The following CARS1 variants were observed in gnomAD, a reference collection of about 807,000 sequenced individuals.
CARS1 encodes cysteinyl-tRNA synthetase 1.
In CARS1, 48 loss-of-function variants were observed where a neutral mutation model predicts 106.2. The ratio of observed to expected loss-of-function variants is 0.45; its 90% CI spans 0.36 to 0.57. CARS1 has a LOEUF of 0.57. CARS1 is among the 20% of genes least tolerant of loss of function. CARS1 has a pLI of 0.00. For synonymous variants in CARS1, 409 were observed against 403.4 expected (o/e 1.01, Z -0.17); for missense variants, 968 against 1,057.2 (o/e 0.92, Z 1.17).
In CARS1 at chr11:3,046,460, C is replaced by T. The variant is rs1026574636; in HGVS notation, c.274+1293G>A. ...ACCGCGCTGGAGGCTCAGGCAGGAA[C>T]GGCTACATGGGGAAGGACGTGACCT... On this transcript the variant is annotated intron_variant, in intron 2 of 22. Transcript: ENST00000380525. This position sits in a 1 kb window ranked among gnomAD's most constrained non-coding sequence, Gnocchi z 5.8. Among the ~76,000 whole-genome samples, 6 of 152,150 alleles carry T rather than the reference C, an allele frequency of 3.9e-5. No homozygotes were observed. The highest frequency in any genetic ancestry group is 8.8e-5 in the Non-Finnish European group (6 of 68,022).
chr11:3,014,875 T>C (rs1341237403), intron 17 of CARS1, among the ~76,000 whole-genome samples: 2 of 152,244 alleles, frequency 1.3e-5, no homozygotes, highest in Admixed American at 6.5e-5. Context: ...TTCACACCAC[T>C]TGTCATTAGG....
intron 7 of CARS1, among the ~76,000 whole-genome samples, chr11:3,036,562 T>C (rs552240582): frequency 1.0e-3 from 152 of 152,314 alleles, no homozygotes; most frequent in African/African-American, 3.6e-3. Flanking sequence ...CAGAACCCCA[T>C]GCACTATGGG....
chr11:3,016,862 C>G (rs993278209), intron 16 of CARS1, among the ~76,000 whole-genome samples: 1 of 152,198 alleles, frequency 6.6e-6, no homozygotes. Context: ...GATACACTCA[C>G]CTGGCCTCCC....
rs1199966382 is a variant in CARS1, at chr11:3,050,552, T to G, written c.26-2551A>C. Among the ~76,000 whole-genome samples the G allele has an allele frequency of 1.3e-5, 2 of 152,106 alleles. No homozygotes were observed. The highest frequency in any genetic ancestry group is 2.9e-5 in the Non-Finnish European group (2 of 68,024). ...ACCTGTAGCCAGCATGGCTCTCCCC[T>G]CACAGCCACAGGCCTCCAGCGGCCC... On this transcript the variant is annotated intron_variant, in intron 1 of 22. Coordinates refer to ENST00000380525, the MANE Select transcript of CARS1 (RefSeq NM_001014437.3). This position sits in a 1 kb window ranked among gnomAD's most constrained non-coding sequence, Gnocchi z 6.3.
rs1279912295 is a variant in CARS1 at position 3,003,469 on chromosome 11, A to C, written c.2218-869T>G. 6.6e-6 allele frequency among the ~76,000 whole-genome samples: 1 copy of C among 152,210 alleles called. No homozygotes were observed. Among genetic ancestry groups the C allele is most frequent in the East Asian group, 1.9e-4 (1 of 5,200 alleles). ...GGCCCAGTGGAGCTATCAGGTAGGC[A>C]GCTGGGCAAACTGTTTTTGGGCCAC... On this transcript the variant is annotated intron_variant, in intron 20 of 22. Transcript: ENST00000380525. The surrounding 1 kb of genome is among the most constrained non-coding windows in gnomAD (Gnocchi z 4.8).
chr11:3,014,798 G>A (rs1209014554), intron 17 of CARS1, among the ~76,000 whole-genome samples: 3 of 152,168 alleles, frequency 2.0e-5, no homozygotes, highest in African/African-American at 4.8e-5. Context: ...CTTACAACAC[G>A]GACTGTTTTC....
intron 18 of CARS1, 94 bp downstream of exon 18, chr11:3,012,101 G>C: frequency 8.7e-7 from 1 of 1,151,560 alleles, no homozygotes; most frequent in Admixed American, 1.7e-5. Context: ...GGATGATCCG[G>C]CCTGAACGCC....
chr11:3,016,307 G>A (rs987026204), intron 16 of CARS1, among the ~76,000 whole-genome samples: 9 of 150,366 alleles, frequency 6.0e-5, no homozygotes, highest in South Asian at 2.1e-4. Context: ...TGCAAGCTCT[G>A]CCTCCTGGGT....
At chr11:3,055,381 T>C (rs367641345) in intron 1 of CARS1, among the ~76,000 whole-genome samples, 1 of 152,222 alleles carries the variant, frequency 6.6e-6, no homozygotes, top group Non-Finnish European at 1.5e-5. Context: ...GACCTCGTGA[T>C]CTGCCTGCCT....
intron 18 of CARS1, 49 bp from the exon 19 acceptor site, chr11:3,007,008 C>A: frequency 6.8e-7 from 1 of 1,471,934 alleles, no homozygotes; most frequent in Non-Finnish European, 9.5e-7. Flanking sequence ...AGCCAGGGCC[C>A]ACACAACCAG....
In CARS1 at chr11:3,046,745, G is replaced by T. The variant is rs973910713; in HGVS notation, c.274+1008C>A. On this transcript the variant is annotated intron_variant, in intron 2 of 22. Coordinates refer to ENST00000380525, the MANE Select transcript of CARS1 (RefSeq NM_001014437.3). The surrounding 1 kb of genome is among the most constrained non-coding windows in gnomAD (Gnocchi z 5.8). ...AGCACTAAACCTGCCCCCACATGAA[G>T]GTGGAGGAGTGCCCACAGCCACAGG... 2.0e-5 allele frequency among the ~76,000 whole-genome samples: 3 copies of T among 152,128 alleles called. No homozygotes were observed. The highest frequency in any genetic ancestry group is 4.4e-5 in the Non-Finnish European group (3 of 68,028).
In CARS1 at chr11:3,039,061, CG is replaced by C. The variant is rs1343182430; in HGVS notation, c.651+132del. On this transcript the variant is annotated intron_variant, in intron 6 of 22. Transcript: ENST00000380525. This position sits in a 1 kb window ranked among gnomAD's most constrained non-coding sequence, Gnocchi z 5.6. ...CCTATGGAGACTTCAGCGCCCCTGACGGAACTGGCTTGAGTAACATACACTT... is the reference window on the plus strand; with the variant it reads ...CCTATGGAGACTTCAGCGCCCCTGACGAACTGGCTTGAGTAACATACACTT... The C allele has an allele frequency of 3.8e-5, 23 of 602,046 alleles. No homozygotes were observed. In the East Asian group the frequency reaches 6.1e-4, roughly 16 times the overall value. 37.3% of individuals were successfully genotyped at this position (602,046 alleles called of 1,614,324 possible).
Position 3,002,069 on chromosome 11 carries a change from C to T in CARS1, c.2278-16G>A, listed in dbSNP as rs72850071. ...GCTTTGCTGCCTAGAACACGCAACA[C>T]GGCACAGTCACTGCCCCCGAGCAGC... On this transcript the variant is annotated splice_polypyrimidine_tract_variant and intron_variant, in intron 21 of 22. Coordinates refer to ENST00000380525, the MANE Select transcript of CARS1 (RefSeq NM_001014437.3). 7.3e-4 allele frequency: 1,151 copies of T among 1,583,286 alleles called. 16 individuals carry two copies. In the Admixed American group the frequency reaches 0.017, roughly 24 times the overall value.
chr11:3,029,700 A>C lies in CARS1; in HGVS notation c.802-257T>G. On this transcript the variant is annotated intron_variant, in intron 7 of 22. Coordinates refer to ENST00000380525, the MANE Select transcript of CARS1 (RefSeq NM_001014437.3). The surrounding 1 kb of genome is among the most constrained non-coding windows in gnomAD (Gnocchi z 5.9). Reference sequence around the variant, plus strand: ...AGGGGACTGTGGGTGCAGAGGCAAAAAGAGGTGGGAGGGCCGAGGTGGGCC... The same window carrying C: ...AGGGGACTGTGGGTGCAGAGGCAAACAGAGGTGGGAGGGCCGAGGTGGGCC... 1 of 500,826 alleles carries C rather than the reference A, an allele frequency of 2.0e-6. No homozygotes were observed. 31.0% of individuals were successfully genotyped at this position (500,826 alleles called of 1,614,324 possible). A position where few individuals can be genotyped will look rare whatever the true frequency, so the allele number is the denominator to read the frequency against.
chr11:3,054,755 A>G (rs987766829), intron 1 of CARS1: 1 of 642,518 alleles, frequency 1.6e-6, no homozygotes, highest in Non-Finnish European at 2.8e-6. Context: ...GGGTGGCAGG[A>G]GATAACAGAT....
chr11:3,042,942 C>T (rs1006959390), intron 2 of CARS1, among the ~76,000 whole-genome samples: 1 of 51,488 alleles, frequency 1.9e-5, no homozygotes, highest in South Asian at 7.2e-4. Context: ...TCGGACACTG[C>T]AGGAGTGGCT....
intron 2 of CARS1, among the ~76,000 whole-genome samples, chr11:3,042,779 C>T (rs1453784447): frequency 6.6e-6 from 1 of 152,218 alleles, no homozygotes; most frequent in Middle Eastern, 3.2e-3. Context: ...CTCACCTGGA[C>T]AAACTGAGGA....
intron 1 of CARS1, chr11:3,054,741 C>G (rs1856026939): frequency 4.8e-6 from 3 of 626,666 alleles, no homozygotes; most frequent in Non-Finnish European, 8.5e-6. Context: ...AGGGGTTCCC[C>G]CAAGGGTGGC....
chr11:3,042,261 G>A lies in CARS1; in HGVS notation c.275-5C>T, dbSNP rs779744549. 3.0e-5 allele frequency: 48 copies of A among 1,609,094 alleles called. No individual in the cohort carries two copies. Among genetic ancestry groups the A allele is most frequent in the Non-Finnish European group, 4.1e-5 (48 of 1,179,126 alleles). ...GCTGCACACGCCGGCCTTTGCCTGG[G>A]AGGCAGAGAGAGCAGGATCAGGGTC... On this transcript the variant is annotated splice_polypyrimidine_tract_variant and splice_region_variant and intron_variant, in intron 2 of 22. Transcript: ENST00000380525.
Sources: allele counts gnomAD v4.1 joint callset (sites outside exome capture counted in the v4.1 genomes callset), GRCh38; gene constraint gnomAD v4.1.1; non-coding constraint Gnocchi (gnomAD v3.1); transcripts MANE v1.5; gene names NCBI Gene and HGNC (gene_info 2026-07-23, HGNC 2026-07-21).